Variants in IL1RAPL1 observed in about 807,000 individuals in gnomAD.
IL1RAPL1 encodes the protein interleukin 1 receptor accessory protein like 1.
IL1RAPL1 carries 3 observed loss-of-function variants against 48.4 expected under a neutral mutation model. The ratio of observed to expected loss-of-function variants is 0.06; its 90% confidence interval spans 0.03 to 0.16. The LOEUF (loss-of-function observed/expected upper bound fraction) is 0.16, where lower values mean the gene tolerates loss of function less well. IL1RAPL1 is among the 10% of genes least tolerant of loss of function. IL1RAPL1 has a pLI of 1.00. For missense variants in IL1RAPL1, 349 were observed against 530.6 expected (o/e 0.66, Z 3.36); for synonymous variants, 185 against 187.7 (o/e 0.99, Z 0.12).
chrX:29,374,468 T>A (rs763224896), intron 3 of IL1RAPL1, among the ~76,000 whole-genome samples: 3 of 109,522 alleles, frequency 2.7e-5, no homozygotes, highest in Non-Finnish European at 5.7e-5. Flanking sequence ...GTTTGCAGAA[T>A]GAGAGGTTGA....
In IL1RAPL1 at chrX:29,610,745, C is replaced by A. The variant is rs192053429; in HGVS notation, c.704-57685C>A. Among the ~76,000 whole-genome samples the A allele has an allele frequency of 3.2e-3, 358 of 112,570 alleles. 3 individuals carry two copies. The highest frequency in any genetic ancestry group is 0.011 in the African/African-American group (342 of 30,989). On this transcript the variant is annotated intron_variant, in intron 5 of 10. Transcript: ENST00000378993. The stretch of plus-strand genomic sequence containing the variant: ...CAATTGCTGCTGCACAAACCCCTTA[C>A]GGGATGGGGAGCACACAGATGGGCA...
chrX:29,225,739 A>G (rs772142747), intron 2 of IL1RAPL1, among the ~76,000 whole-genome samples: 19 of 111,588 alleles, frequency 1.7e-4, no homozygotes, highest in African/African-American at 6.2e-4. Context: ...TTAGGCTCCT[A>G]CACTCCTATA....
intron 2 of IL1RAPL1, among the ~76,000 whole-genome samples, chrX:29,168,935 A>G (rs924028729): frequency 1.2e-3 from 97 of 79,145 alleles, no homozygotes; most frequent in African/African-American, 1.9e-3. Context: ...AATTGTATAT[A>G]TATATTCATA....
At chrX:29,687,718 A>G (rs1601779416) in intron 6 of IL1RAPL1, among the ~76,000 whole-genome samples, 1 of 112,398 alleles carries the variant, frequency 8.9e-6, no homozygotes, top group African/African-American at 3.2e-5. Context: ...TGATTTGATT[A>G]TTACACAATT....
intron 2 of IL1RAPL1, among the ~76,000 whole-genome samples, chrX:28,799,764 G>A (rs1295971438): frequency 1.8e-5 from 2 of 111,962 alleles, no homozygotes; most frequent in African/African-American, 3.3e-5. Context: ...AGAATATATA[G>A]GATCTAGTGA....
At position 29,282,484 on chromosome X, in the gene IL1RAPL1, G is replaced by A. The variant is rs147696915; in HGVS notation, c.83-454G>A. On this transcript the variant is annotated intron_variant, in intron 2 of 10. Transcript: ENST00000378993. ...GCCAGGTGCTGAAGAAGGCTTGCAC[G>A]CTGTAAGAGCCTGCCAAGTGAGCAC... Among the ~76,000 whole-genome samples the A allele has an allele frequency of 2.5e-3, 276 of 112,000 alleles. 1 individual carries two copies. Among genetic ancestry groups the A allele is most frequent in the Non-Finnish European group, 4.0e-3 (213 of 53,209 alleles).
Position 29,771,224 on chromosome X carries a change from G to C in IL1RAPL1, c.778+102720G>C, listed in dbSNP as rs562264041. 2.7e-5 allele frequency among the ~76,000 whole-genome samples: 3 copies of C among 112,163 alleles called. No individual in the cohort carries two copies. The Admixed American group carries it at 2.8e-4, about 11-fold the overall frequency. ...TGGGTGAGCATGACTGTGTATCATA[G>C]ATTATAGTATTCCGTTCACTCAGTT... On this transcript the variant is annotated intron_variant, in intron 6 of 10. Coordinates refer to ENST00000378993, the MANE Select transcript of IL1RAPL1 (RefSeq NM_014271.4).
intron 2 of IL1RAPL1, among the ~76,000 whole-genome samples, chrX:29,273,356 G>C (rs1932071595): frequency 9.0e-6 from 1 of 111,160 alleles, no homozygotes; most frequent in African/African-American, 3.3e-5. Flanking sequence ...TGTGGTATAA[G>C]GTGGGTTTCA....
At chrX:28,614,700 CAA>C (rs1364619457) in intron 1 of IL1RAPL1, among the ~76,000 whole-genome samples, 1 of 111,057 alleles carries the variant, frequency 9.0e-6, no homozygotes, top group African/African-American at 3.3e-5. Flanking sequence ...CTAATACTAA[CAA>C]ATCTGTGATA....
chrX:28,681,800 C>T (rs995254528), intron 1 of IL1RAPL1, among the ~76,000 whole-genome samples: 4 of 111,697 alleles, frequency 3.6e-5, no homozygotes, highest in South Asian at 3.7e-4. Context: ...TTGTTTTTGT[C>T]GAGTATCCCT....
chrX:29,119,719 AG>A, intron 2 of IL1RAPL1, among the ~76,000 whole-genome samples: 1 of 111,324 alleles, frequency 9.0e-6, no homozygotes, highest in East Asian at 2.8e-4. Context: ...AAATCATAGT[AG>A]GGGGCTGATG....
At chrX:29,074,151 G>T (rs1324208891) in intron 2 of IL1RAPL1, among the ~76,000 whole-genome samples, 2 of 112,015 alleles carry the variant, frequency 1.8e-5, no homozygotes, top group Non-Finnish European at 3.8e-5. Context: ...TATGGAAGGT[G>T]AGTGATAGAG....
chrX:28,717,743 CT>C (rs113225602), intron 1 of IL1RAPL1, among the ~76,000 whole-genome samples: 2 of 110,963 alleles, frequency 1.8e-5, no homozygotes, highest in African/African-American at 6.5e-5. Context: ...GACTGGAGGA[CT>C]TTTTTTGAGT....
chrX:29,641,114 T>G (rs752093781), intron 5 of IL1RAPL1, among the ~76,000 whole-genome samples: 3 of 112,248 alleles, frequency 2.7e-5, no homozygotes, highest in Admixed American at 9.4e-5. Flanking sequence ...AAGGCTACAG[T>G]GAGTCACGAT....
chrX:29,109,880 A>G (rs1441152693), intron 2 of IL1RAPL1, among the ~76,000 whole-genome samples: 2 of 112,037 alleles, frequency 1.8e-5, no homozygotes, highest in Non-Finnish European at 3.8e-5. Flanking sequence ...TTCCAATATT[A>G]GATTACAGTG....
At chrX:28,761,685 C>A (rs1436255311) in intron 1 of IL1RAPL1, among the ~76,000 whole-genome samples, 1 of 111,465 alleles carries the variant, frequency 9.0e-6, no homozygotes, top group African/African-American at 3.3e-5. Context: ...ACTAGAAACC[C>A]CAGAGTCATG....
intron 6 of IL1RAPL1, among the ~76,000 whole-genome samples, chrX:29,854,414 C>T (rs964716846): frequency 4.5e-5 from 5 of 111,629 alleles, no homozygotes; most frequent in Non-Finnish European, 5.6e-5. Context: ...ATAAAAGCCA[C>T]TGAAGGAATA....
intron 6 of IL1RAPL1, among the ~76,000 whole-genome samples, chrX:29,865,636 CTTTTTT>C (rs1171882981): frequency 1.3e-5 from 1 of 76,343 alleles, no homozygotes; most frequent in Non-Finnish European, 2.5e-5. Context: ...CTTTTCTTTT[CTTTTTT>C]TTTTTTTTTT....
At chrX:29,774,905 T>A (rs905985713) in intron 6 of IL1RAPL1, among the ~76,000 whole-genome samples, 1 of 112,553 alleles carries the variant, frequency 8.9e-6, no homozygotes, top group Non-Finnish European at 1.9e-5. Flanking sequence ...ATTTCCAGTT[T>A]AAGCATACTT....
Sources: gnomAD v4.1 joint callset for allele counts (sites outside exome capture counted in the v4.1 genomes callset) on GRCh38, gnomAD v4.1.1 for gene constraint, MANE v1.5 for transcripts, NCBI Gene and HGNC (gene_info 2026-07-23, HGNC 2026-07-21) for gene names.